MPZL1: variants seen among roughly 807,000 people sequenced by gnomAD.
MPZL1 encodes the protein myelin protein zero-like protein 1.
In MPZL1, 16 loss-of-function variants were observed where a neutral mutation model predicts 29.3. That is an observed-to-expected ratio of 0.55 (90% CI 0.37 to 0.83). MPZL1 has a LOEUF of 0.83. MPZL1 is among the 40% of genes least tolerant of loss of function. The pLI, the probability that MPZL1 is intolerant of heterozygous loss-of-function variation, is 0.00. For synonymous variants in MPZL1, 143 were observed against 132.0 expected (o/e 1.08, Z -0.57); for missense variants, 279 against 332.9 (o/e 0.84, Z 1.26).
chr1:167,778,370 A>G (rs1206783405), intron 5 of MPZL1, among the ~76,000 whole-genome samples: 1 of 151,828 alleles, frequency 6.6e-6, no homozygotes, highest in Non-Finnish European at 1.5e-5. Flanking sequence ...AAAAAATAAA[A>G]CACATAAGCC....
intron 1 of MPZL1, among the ~76,000 whole-genome samples, chr1:167,724,670 T>C (rs559504525): frequency 6.6e-6 from 1 of 152,270 alleles, no homozygotes; most frequent in South Asian, 2.1e-4. Flanking sequence ...GGGAAGAAGA[T>C]GATGGAGATA....
intron 1 of MPZL1, among the ~76,000 whole-genome samples, chr1:167,753,300 A>G (rs1240816816): frequency 1.3e-5 from 2 of 152,234 alleles, no homozygotes; most frequent in African/African-American, 4.8e-5. Flanking sequence ...AGCCTTTGCC[A>G]AATGTAAAGC....
chr1:167,767,383 C>T (rs953882328), intron 2 of MPZL1, among the ~76,000 whole-genome samples: 8 of 152,182 alleles, frequency 5.3e-5, no homozygotes, highest in African/African-American at 1.9e-4. Flanking sequence ...GGTGTGAGAG[C>T]CACCCAGAGG....
chr1:167,788,075 A>G lies in MPZL1; in HGVS notation c.*154A>G. 1 of 578,068 alleles carries G rather than the reference A, an allele frequency of 1.7e-6. No homozygotes were observed. Among genetic ancestry groups the G allele is most frequent in the Non-Finnish European group, 3.2e-6 (1 of 315,852 alleles). 35.8% of individuals were successfully genotyped at this position (578,068 alleles called of 1,614,324 possible). A position where few individuals can be genotyped will look rare whatever the true frequency, so the allele number is the denominator to read the frequency against. On this transcript the variant is annotated 3_prime_UTR_variant, in exon 6 of 6. Coordinates refer to ENST00000359523, the MANE Select transcript of MPZL1 (RefSeq NM_003953.6). ...GGAGAGAAAGATGTGTACAAAGGATATGTATAAATATTCTATTTAGTCATC... is the reference window on the plus strand; with the variant it reads ...GGAGAGAAAGATGTGTACAAAGGATGTGTATAAATATTCTATTTAGTCATC...
chr1:167,734,954 C>T (rs1240693616), intron 1 of MPZL1, among the ~76,000 whole-genome samples: 1 of 152,220 alleles, frequency 6.6e-6, no homozygotes, highest in Non-Finnish European at 1.5e-5. Flanking sequence ...TAGTAGCAGA[C>T]ACCCTGCAGA....
chr1:167,790,577 G>A lies in MPZL1; in HGVS notation c.*2656G>A, dbSNP rs1661688647. 6.6e-6 allele frequency: 1 copy of A among 152,162 alleles called. No homozygotes were observed. Among genetic ancestry groups the A allele is most frequent in the Non-Finnish European group, 1.5e-5 (1 of 68,058 alleles). The allele number at this position is 152,162 out of a possible 1,614,324, so 9.4% of individuals were successfully genotyped here. A position where few individuals can be genotyped will look rare whatever the true frequency, so the allele number is the denominator to read the frequency against. On this transcript the variant is annotated 3_prime_UTR_variant, in exon 6 of 6. Transcript: ENST00000359523. Reference sequence around the variant, plus strand: ...TTCCTGGTTGCAGATAACGAACTAAGGTTGCCTAAAGGGCAGATCTGCCCT... The same window carrying A: ...TTCCTGGTTGCAGATAACGAACTAAAGTTGCCTAAAGGGCAGATCTGCCCT...
intron 1 of MPZL1, among the ~76,000 whole-genome samples, chr1:167,742,698 A>G (rs567500492): frequency 6.6e-6 from 1 of 152,236 alleles, no homozygotes; most frequent in Admixed American, 6.5e-5. Context: ...TTGGTCATGA[A>G]GTCTTTGCGT....
At chr1:167,751,709 A>G (rs900865603) in intron 1 of MPZL1, among the ~76,000 whole-genome samples, 6 of 152,050 alleles carry the variant, frequency 3.9e-5, no homozygotes, top group African/African-American at 1.4e-4. Flanking sequence ...AATGTATGCA[A>G]TACTTAGTTT....
chr1:167,741,159 G>A (rs1660513889), intron 1 of MPZL1, among the ~76,000 whole-genome samples: 1 of 151,792 alleles, frequency 6.6e-6, no homozygotes. Flanking sequence ...TGGGACTGTA[G>A]GCATGTGCCA....
chr1:167,751,619 C>T (rs371386359), intron 1 of MPZL1, among the ~76,000 whole-genome samples: 3 of 147,498 alleles, frequency 2.0e-5, no homozygotes, highest in Non-Finnish European at 3.0e-5. Context: ...TGCAGTGAGC[C>T]GAGATGGCAC....
chr1:167,775,553 G>C (rs991755092), intron 4 of MPZL1, among the ~76,000 whole-genome samples: 3 of 152,150 alleles, frequency 2.0e-5, no homozygotes, highest in Admixed American at 6.5e-5. Flanking sequence ...TATTGGTAGG[G>C]AATAAAAATA....
intron 1 of MPZL1, among the ~76,000 whole-genome samples, chr1:167,735,866 A>T (rs1398443726): frequency 6.6e-6 from 1 of 152,086 alleles, no homozygotes; most frequent in African/African-American, 2.4e-5. Flanking sequence ...AATGAATTTT[A>T]AAAGATAAGC....
intron 5 of MPZL1, among the ~76,000 whole-genome samples, chr1:167,780,659 T>C (rs1367198839): frequency 6.6e-6 from 1 of 152,192 alleles, no homozygotes; most frequent in Admixed American, 6.5e-5. Context: ...ACATACTATG[T>C]GATTCTACTA....
chr1:167,733,961 A>G (rs1660323461), intron 1 of MPZL1, among the ~76,000 whole-genome samples: 1 of 152,004 alleles, frequency 6.6e-6, no homozygotes, highest in Non-Finnish European at 1.5e-5. Context: ...ATCTTAAAAG[A>G]TAAATGCACT....
chr1:167,750,577 T>C (rs1660735535), intron 1 of MPZL1, among the ~76,000 whole-genome samples: 1 of 152,190 alleles, frequency 6.6e-6, no homozygotes, highest in Non-Finnish European at 1.5e-5. Flanking sequence ...CCCTCCCACC[T>C]TGTATATGTG....
At chr1:167,745,947 C>T (rs1268029252) in intron 1 of MPZL1, among the ~76,000 whole-genome samples, 3 of 151,958 alleles carry the variant, frequency 2.0e-5, no homozygotes, top group African/African-American at 2.4e-5. Flanking sequence ...CAATTGTTGG[C>T]GAGTCATAGC....
At chr1:167,745,753 G>T (rs1332643977) in intron 1 of MPZL1, among the ~76,000 whole-genome samples, 1 of 151,896 alleles carries the variant, frequency 6.6e-6, no homozygotes, top group South Asian at 2.1e-4. Flanking sequence ...ACCAAATTTG[G>T]GTAAAATTCA....
chr1:167,747,784 C>T (rs1388094023), intron 1 of MPZL1, among the ~76,000 whole-genome samples: 1 of 151,896 alleles, frequency 6.6e-6, no homozygotes, highest in African/African-American at 2.4e-5. Flanking sequence ...CTGTGGAATT[C>T]ACCCATTTCA....
At chr1:167,739,282 C>CATATATATATATATATATATACAT (rs1660456828) in intron 1 of MPZL1, among the ~76,000 whole-genome samples, 1 of 90,418 alleles carries the variant, frequency 1.1e-5, no homozygotes, top group African/African-American at 6.3e-5. Context: ...TACATATATA[C>CATATATATATATATATATATACAT]ATATATATAT....
Sources: allele counts gnomAD v4.1 joint callset (sites outside exome capture counted in the v4.1 genomes callset), GRCh38; gene constraint gnomAD v4.1.1; transcripts MANE v1.5; gene names NCBI Gene and HGNC (gene_info 2026-07-23, HGNC 2026-07-21).